FNDC3B: variants seen among roughly 807,000 people sequenced by gnomAD.
FNDC3B encodes the protein fibronectin type III domain-containing protein 3B.
Under a neutral mutation model 151.5 loss-of-function variants are expected in FNDC3B, and 12 were observed. The observed-to-expected ratio is 0.08, with a 90% confidence interval of 0.05 to 0.13. The LOEUF (loss-of-function observed/expected upper bound fraction) is 0.13. Ranked by LOEUF, FNDC3B falls within the 10% of genes least tolerant of loss-of-function variation. The pLI, the probability that FNDC3B is intolerant of heterozygous loss-of-function variation, is 1.00. For missense variants in FNDC3B, 1,214 were observed against 1,505.3 expected (o/e 0.81, Z 3.20); for synonymous variants, 528 against 549.0 (o/e 0.96, Z 0.54).
chr3:172,333,031 G>A, intron 13 of FNDC3B, 58 bp from the exon 14 acceptor site: 2 of 1,038,798 alleles, frequency 1.9e-6, no homozygotes, highest in Middle Eastern at 4.0e-4. Flanking sequence ...TGTATTCAAA[G>A]GTATTTAATG....
intron 7 of FNDC3B, among the ~76,000 whole-genome samples, chr3:172,291,984 T>A (rs1730365473): frequency 6.6e-6 from 1 of 151,986 alleles, no homozygotes; most frequent in South Asian, 2.1e-4. Flanking sequence ...ACACTTGGAG[T>A]AAATATGTCT....
intron 3 of FNDC3B, among the ~76,000 whole-genome samples, chr3:172,170,302 C>T (rs1013090206): frequency 6.6e-6 from 1 of 152,200 alleles, no homozygotes; most frequent in African/African-American, 2.4e-5. Flanking sequence ...GTTTGTTTCT[C>T]TCCTTCCCCC....
At chr3:172,155,613 C>T (rs1289709552) in intron 3 of FNDC3B, among the ~76,000 whole-genome samples, 1 of 152,204 alleles carries the variant, frequency 6.6e-6, no homozygotes, top group African/African-American at 2.4e-5. Flanking sequence ...TTCCTGGAAG[C>T]CATTTTCTCC....
In FNDC3B at chr3:172,330,555, A is replaced by C; in HGVS notation, c.1394A>C (p.Glu465Ala). 6.2e-7 allele frequency: 1 copy of C among 1,613,156 alleles called. No homozygotes were observed. The highest frequency in any genetic ancestry group is 8.5e-7 in the Non-Finnish European group (1 of 1,179,468). ...NDIGTSGYSQ[E>A]VVCYTLGNIP... ...TTTCTCTACAGTGGTTATAGCCAAG[A>C]GGTGGTGTGCTACACATTAGGAAAT... Residue 465 changes from glutamate to alanine, a missense_variant, in exon 13 of 26, where the codon GAG (glutamate) becomes GCG (alanine). By Grantham distance (107) the Glu-to-Ala change is moderately radical (BLOSUM62 -1). Around this residue, in one of 7 missense-constraint regions of FNDC3B, gnomAD observed 111 missense variants for 96.8 expected, o/e 1.15. Transcript: ENST00000415807.
chr3:172,304,001 A>G (rs1050759343), intron 9 of FNDC3B, among the ~76,000 whole-genome samples: 37 of 152,354 alleles, frequency 2.4e-4, no homozygotes, highest in African/African-American at 8.4e-4. Flanking sequence ...ATTGTTTAAG[A>G]TTAAAGGCAA....
chr3:172,131,549 A>G (rs1721103202), intron 2 of FNDC3B, among the ~76,000 whole-genome samples: 1 of 152,236 alleles, frequency 6.6e-6, no homozygotes, highest in African/African-American at 2.4e-5. Context: ...AGGAAAAATA[A>G]ATTGCCTTGA....
At chr3:172,328,562 CAGT>C (rs1732471816) in intron 11 of FNDC3B, among the ~76,000 whole-genome samples, 1 of 152,188 alleles carries the variant, frequency 6.6e-6, no homozygotes, top group African/African-American at 2.4e-5. Flanking sequence ...TCTGTGGATG[CAGT>C]AGACTCTTGG....
intron 9 of FNDC3B, chr3:172,302,551 T>A (rs1410201195): frequency 6.6e-6 from 1 of 152,258 alleles, no homozygotes; most frequent in Non-Finnish European, 1.5e-5. Flanking sequence ...TGTATCATTC[T>A]TACACGTCTG....
Position 172,247,672 on chromosome 3 carries a change from A to T in FNDC3B, c.404A>T (p.His135Leu), listed in dbSNP as rs774516222. Reference sequence around the variant, plus strand: ...CTGACTCACCATCCACATTTTATTCATAACTCACACACGGCTTACTACCCA... The same window carrying T: ...CTGACTCACCATCCACATTTTATTCTTAACTCACACACGGCTTACTACCCA... ...PYLTHHPHFI[H>L]NSHTAYYPPV... Residue 135 changes from histidine to leucine, a missense_variant, in exon 5 of 26, where the codon CAT becomes CTT. His to Leu is a moderately conservative substitution (Grantham distance 99). This residue lies in a region of FNDC3B where 113 missense variants were observed against 177.8 expected (regional missense o/e 0.64). Transcript: ENST00000415807. The T allele has an allele frequency of 5.7e-5, 92 of 1,613,914 alleles. 1 individual carries two copies. Among genetic ancestry groups the T allele is most frequent in the South Asian group, 4.5e-4 (41 of 91,078 alleles).
Position 172,347,278 on chromosome 3 carries a change from T to A in FNDC3B, c.2431T>A (p.Leu811Ile). Residue 811 changes from leucine to isoleucine, a missense_variant, in exon 21 of 26, where the codon TTA becomes ATA. Around this residue, in one of 7 missense-constraint regions of FNDC3B, gnomAD observed 380 missense variants for 420.9 expected, o/e 0.90. Coordinates refer to ENST00000415807, the MANE Select transcript of FNDC3B (RefSeq NM_022763.4). ...RLEWGEDEES[L>I]ELIYHGTDTR... ...GGAATGGGGAGAAGATGAAGAATCC[T>A]TAGAACTCATTTATCATGGGACAGA... 3 of 1,614,068 alleles carry A rather than the reference T, an allele frequency of 1.9e-6. No homozygotes were observed. Among genetic ancestry groups the A allele is most frequent in the Non-Finnish European group, 2.5e-6 (3 of 1,179,968 alleles).
intron 23 of FNDC3B, among the ~76,000 whole-genome samples, chr3:172,365,530 G>A (rs1052472631): frequency 2.0e-5 from 3 of 152,140 alleles, no homozygotes; most frequent in Non-Finnish European, 2.9e-5. Flanking sequence ...CATCTTGTGC[G>A]AACCCTTGGC....
At chr3:172,124,277 G>C (rs975568255) in intron 2 of FNDC3B, among the ~76,000 whole-genome samples, 2 of 152,212 alleles carry the variant, frequency 1.3e-5, no homozygotes, top group African/African-American at 2.4e-5. Context: ...TTTTAGTAGA[G>C]ATGAGGTTTC....
chr3:172,089,929 TC>T (rs1718727609), intron 1 of FNDC3B, among the ~76,000 whole-genome samples: 1 of 152,228 alleles, frequency 6.6e-6, no homozygotes, highest in African/African-American at 2.4e-5. Context: ...AAATATGATT[TC>T]GACATATATA....
intron 23 of FNDC3B, among the ~76,000 whole-genome samples, chr3:172,374,542 G>T (rs902965037): frequency 2.0e-5 from 3 of 151,974 alleles, no homozygotes; most frequent in Non-Finnish European, 2.9e-5. Context: ...CTACAGGCAC[G>T]CATCACCACG....
At chr3:172,128,588 G>T (rs1226289871) in intron 2 of FNDC3B, among the ~76,000 whole-genome samples, 1 of 152,134 alleles carries the variant, frequency 6.6e-6, no homozygotes, top group Non-Finnish European at 1.5e-5. Flanking sequence ...GGAGTTGGGA[G>T]TATGTGTGAC....
intron 3 of FNDC3B, among the ~76,000 whole-genome samples, chr3:172,173,062 G>C (rs1723360721): frequency 6.6e-6 from 1 of 152,058 alleles, no homozygotes; most frequent in African/African-American, 2.4e-5. Flanking sequence ...ATAGAAAACT[G>C]TTTTTCTCAA....
At chr3:172,252,567 G>A (rs550910017) in intron 6 of FNDC3B, among the ~76,000 whole-genome samples, 5 of 151,830 alleles carry the variant, frequency 3.3e-5, no homozygotes, top group Non-Finnish European at 7.4e-5. Context: ...GTGAGAATGT[G>A]ATTGTGAATG....
intron 1 of FNDC3B, among the ~76,000 whole-genome samples, chr3:172,041,376 T>C (rs566286079): frequency 6.6e-6 from 1 of 151,504 alleles, no homozygotes; most frequent in Non-Finnish European, 1.5e-5. Context: ...TCTTTCTTTC[T>C]TTCTTTCTTT....
chr3:172,337,200 T>C (rs1733025218), intron 15 of FNDC3B, 130 bp from the exon 16 acceptor site: 1 of 559,138 alleles, frequency 1.8e-6, no homozygotes. Context: ...GTGAAATAAA[T>C]TATTTTGCCT....
Sources: allele counts gnomAD v4.1 joint callset (sites outside exome capture counted in the v4.1 genomes callset), GRCh38; gene constraint gnomAD v4.1.1; regional missense constraint gnomAD v4.1.1; transcripts MANE v1.5; gene names NCBI Gene and HGNC (gene_info 2026-07-23, HGNC 2026-07-21).